The following PABPC1L variants were observed in gnomAD, a reference collection of about 807,000 sequenced individuals.
PABPC1L encodes the protein poly(A) binding protein cytoplasmic 1 like, also known as polyadenylate-binding protein 1-like.
Under a neutral mutation model 66.6 loss-of-function variants are expected in PABPC1L, and 31 were observed. That is an observed-to-expected ratio of 0.47 (90% confidence interval 0.35 to 0.63). The LOEUF is 0.63. PABPC1L is among the 20% of genes least tolerant of loss of function. The pLI, the probability that PABPC1L is intolerant of heterozygous loss-of-function variation, is 0.00. For missense variants in PABPC1L, 722 were observed against 848.8 expected, an observed-to-expected ratio of 0.85 and a Z score of 1.86; for synonymous variants, 348 against 335.1, an observed-to-expected ratio of 1.04 and a Z score of -0.42.
chr20:44,937,932 G>A (rs2145586003), intron 12 of PABPC1L, 129 bp from the exon 13 acceptor site: 1 of 1,269,098 alleles, frequency 7.9e-7, no homozygotes, highest in Admixed American at 2.6e-5. Context: ...AGTGTTAAAT[G>A]TCATAGCCTA....
intron 2 of PABPC1L, among the ~76,000 whole-genome samples, chr20:44,916,441 T>G (rs563026948): frequency 6.6e-6 from 1 of 152,124 alleles, no homozygotes; most frequent in South Asian, 2.1e-4. Context: ...TCTGGCTAAT[T>G]TTTTGTATTT....
In PABPC1L at chr20:44,933,132, TCAGG is replaced by T. The variant is rs1160906899; in HGVS notation, c.1412_1415del (p.Gln471ProfsTer15). On this transcript the variant is annotated frameshift_variant, in exon 10 of 15. Transcript: ENST00000217073. LOFTEE classifies it high-confidence loss of function. ...CGCCCCCCGGCCCACATCAGCAGTG[TCAGG>T]CAGGCCTCCACCCAGGTGCCACGCA... 6.2e-7 allele frequency: 1 copy of T among 1,610,150 alleles called. No individual in the cohort carries two copies. The highest frequency in any genetic ancestry group is 8.5e-7 in the Non-Finnish European group (1 of 1,178,830).
At chr20:44,933,264 CT>C in intron 10 of PABPC1L, 79 bp downstream of exon 10, 1 of 1,199,966 alleles carries the variant, frequency 8.3e-7, no homozygotes, top group Non-Finnish European at 1.2e-6. Flanking sequence ...CCATGGTGAC[CT>C]TGCCATATGC....
In PABPC1L at chr20:44,939,295, A is replaced by G. The variant is rs2066925647; in HGVS notation, c.*176A>G. On this transcript the variant is annotated 3_prime_UTR_variant, in exon 15 of 15. Coordinates refer to ENST00000217073, the MANE Select transcript of PABPC1L (RefSeq NM_001372179.1). ...CAGCCTATTACCTTTTGCTTTGTGT[A>G]TTAAAAGTGCTGCAAAATCTGCCTT... The G allele has an allele frequency of 1.4e-6, 1 of 697,182 alleles. No homozygotes were observed. Among genetic ancestry groups the G allele is most frequent in the Non-Finnish European group, 2.7e-6 (1 of 375,016 alleles). The allele number at this position is 697,182 out of a possible 1,614,324, so 43.2% of individuals were successfully genotyped here.
intron 10 of PABPC1L, among the ~76,000 whole-genome samples, chr20:44,933,549 G>T (rs1052707054): frequency 6.6e-6 from 1 of 151,542 alleles, no homozygotes; most frequent in Admixed American, 6.6e-5. Flanking sequence ...AGGTTCAAGC[G>T]ATTGTCCTGC....
chr20:44,931,148 T>A (rs1285461719), intron 8 of PABPC1L, among the ~76,000 whole-genome samples: 1 of 131,912 alleles, frequency 7.6e-6, no homozygotes, highest in Non-Finnish European at 1.6e-5. Context: ...AGCAATGGCG[T>A]GATCATGGCT....
At chr20:44,932,853 C>G (rs982755674) in intron 9 of PABPC1L, 21 of 578,286 alleles carry the variant, frequency 3.6e-5, no homozygotes, top group Admixed American at 3.0e-5. Flanking sequence ...TAGACACGAG[C>G]TGGCTTTGAA....
At chr20:44,939,037 G>A in intron 14 of PABPC1L, 89 bp from the exon 15 acceptor site, 1 of 712,344 alleles carries the variant, frequency 1.4e-6, no homozygotes, top group Non-Finnish European at 2.6e-6. Context: ...CCTGCCTGAA[G>A]GCCTGGCCAG....
chr20:44,911,772 CTCG>C (rs1414175188), intron 1 of PABPC1L, among the ~76,000 whole-genome samples: 3 of 152,190 alleles, frequency 2.0e-5, no homozygotes, highest in African/African-American at 7.2e-5. Flanking sequence ...TGAAGTGGGA[CTCG>C]GCCTGGAAAC....
intron 8 of PABPC1L, 43 bp from the exon 9 acceptor site, chr20:44,932,299 C>A: frequency 6.5e-7 from 1 of 1,527,498 alleles, no homozygotes; most frequent in Non-Finnish European, 9.0e-7. Flanking sequence ...CTCACCTACC[C>A]TGCCGCCAAG....
chr20:44,932,978 T>C, intron 9 of PABPC1L, 79 bp from the exon 10 acceptor site: 1 of 929,236 alleles, frequency 1.1e-6, no homozygotes, highest in Non-Finnish European at 1.7e-6. Context: ...CCCTGGAAGC[T>C]TCTAGGCACA....
intron 7 of PABPC1L, among the ~76,000 whole-genome samples, chr20:44,928,292 C>T (rs1024430382): frequency 3.9e-5 from 6 of 152,022 alleles, no homozygotes; most frequent in Admixed American, 2.6e-4. Context: ...AGGCTGGTCT[C>T]GAACTCCTGA....
At chr20:44,922,662 C>T (rs543194292) in intron 6 of PABPC1L, among the ~76,000 whole-genome samples, 72 of 152,310 alleles carry the variant, frequency 4.7e-4, no homozygotes, top group South Asian at 1.7e-3. Flanking sequence ...TGAGCCACCA[C>T]GCCTGGCCCC....
chr20:44,933,428 T>C (rs1025859437), intron 10 of PABPC1L, among the ~76,000 whole-genome samples: 13 of 152,104 alleles, frequency 8.5e-5, no homozygotes, highest in African/African-American at 3.1e-4. Flanking sequence ...CCCCATTTTA[T>C]TGTAGAGAAT....
intron 12 of PABPC1L, 53 bp from the exon 13 acceptor site, chr20:44,938,008 T>A: frequency 6.2e-7 from 1 of 1,611,048 alleles, no homozygotes; most frequent in East Asian, 2.2e-5. Flanking sequence ...AGCCCTGGGA[T>A]GCTGGGGTGT....
intron 3 of PABPC1L, among the ~76,000 whole-genome samples, chr20:44,918,694 C>T (rs1263395884): frequency 1.3e-5 from 2 of 152,240 alleles, no homozygotes; most frequent in African/African-American, 4.8e-5. Context: ...TCTTAACCTT[C>T]TGCTGGGGAC....
At chr20:44,932,980 C>A (rs187958616) in intron 9 of PABPC1L, 77 bp from the exon 10 acceptor site, 8 of 957,244 alleles carry the variant, frequency 8.4e-6, no homozygotes, top group Non-Finnish European at 1.1e-5. Flanking sequence ...CTGGAAGCTT[C>A]TAGGCACAGT....
chr20:44,924,073 C>G lies in PABPC1L; in HGVS notation c.877-88C>G, dbSNP rs1601114382. 4.2e-5 allele frequency: 46 copies of G among 1,101,138 alleles called. No homozygotes were observed. The East Asian group carries it at 1.1e-3, about 25-fold the overall frequency. The allele number at this position is 1,101,138 out of a possible 1,614,324, so 68.2% of individuals were successfully genotyped here. On this transcript the variant is annotated intron_variant, in intron 6 of 14. Coordinates refer to ENST00000217073, the MANE Select transcript of PABPC1L (RefSeq NM_001372179.1). ...TGGGCTGGTGGGGCTCCCCATGCCC[C>G]TTGTACCTGCGTCAGTTCCCTGATC...
intron 12 of PABPC1L, 40 bp downstream of exon 12, chr20:44,936,770 G>A (rs766768635): frequency 1.3e-6 from 2 of 1,569,538 alleles, no homozygotes; most frequent in South Asian, 2.3e-5. Flanking sequence ...AAGAAGAGGA[G>A]GGCTGCGAGC....
Sources: gnomAD v4.1 joint callset for allele counts (sites outside exome capture counted in the v4.1 genomes callset) on GRCh38, gnomAD v4.1.1 for gene constraint, MANE v1.5 for transcripts, NCBI Gene and HGNC (gene_info 2026-07-23, HGNC 2026-07-21) for gene names.